Variants in STK32A observed in about 807,000 individuals in gnomAD.
STK32A encodes the protein serine/threonine-protein kinase 32A.
In STK32A, 41 loss-of-function variants were observed where a neutral mutation model predicts 53.2. The observed-to-expected ratio is 0.77, with a 90% CI of 0.60 to 1.00. STK32A has a LOEUF of 1.00. Among genes scored for constraint, STK32A ranks in the 50% least tolerant of loss-of-function variants. STK32A has a pLI of 0.00. For missense variants in STK32A, 458 were observed against 485.8 expected (o/e 0.94, Z 0.54); for synonymous variants, 166 against 162.8 (o/e 1.02, Z -0.15).
At chr5:147,262,630 G>T (rs745429329) in intron 2 of STK32A, among the ~76,000 whole-genome samples, 46 of 151,438 alleles carry the variant, frequency 3.0e-4, no homozygotes, top group Non-Finnish European at 5.7e-4. Context: ...TCTAGGGAAA[G>T]ATGCTGAATA....
chr5:147,285,273 G>A (rs750551961), intron 4 of STK32A, among the ~76,000 whole-genome samples: 7 of 151,960 alleles, frequency 4.6e-5, no homozygotes, highest in Admixed American at 2.6e-4. Flanking sequence ...AAACTGGATC[G>A]TCATCTCTCA....
intron 2 of STK32A, among the ~76,000 whole-genome samples, chr5:147,268,062 T>A (rs1295170873): frequency 1.4e-4 from 22 of 152,210 alleles, no homozygotes; most frequent in South Asian, 6.2e-4. Flanking sequence ...CCAATGAATC[T>A]GAATTTAAAA....
chr5:147,257,067 G>A (rs1358537756), intron 2 of STK32A, among the ~76,000 whole-genome samples: 2 of 152,202 alleles, frequency 1.3e-5, no homozygotes, highest in African/African-American at 4.8e-5. Context: ...ATAATAACCT[G>A]TAGAGAATTA....
chr5:147,333,169 G>C (rs926587077), intron 5 of STK32A, among the ~76,000 whole-genome samples: 1 of 152,110 alleles, frequency 6.6e-6, no homozygotes, highest in Non-Finnish European at 1.5e-5. Flanking sequence ...GCTCTGAATA[G>C]AGCTTTGAAA....
At position 147,261,530 on chromosome 5, in the gene STK32A, T is replaced by C. The variant is rs892334224; in HGVS notation, c.53-16594T>C. On this transcript the variant is annotated intron_variant, in intron 2 of 12. Transcript: ENST00000397936. ...GTAATCAGACTGACTTAGAGTGGAG[T>C]AGGTGATCAGAATGAGTCAGGGTGG... Among the ~76,000 whole-genome samples the C allele has an allele frequency of 9.2e-5, 14 of 151,796 alleles. 1 individual carries two copies. The highest frequency in any genetic ancestry group is 9.2e-4 in the Admixed American group (14 of 15,250).
At chr5:147,312,634 G>C (rs937314586) in intron 4 of STK32A, among the ~76,000 whole-genome samples, 1 of 152,180 alleles carries the variant, frequency 6.6e-6, no homozygotes, top group African/African-American at 2.4e-5. Flanking sequence ...GGCTGCTTAT[G>C]AGACAGAGAA....
intron 2 of STK32A, among the ~76,000 whole-genome samples, chr5:147,245,094 G>A (rs944960790): frequency 1.2e-4 from 19 of 152,288 alleles, no homozygotes; most frequent in Middle Eastern, 3.4e-3. Context: ...TTTAAAAGAA[G>A]CCAAGTTATT....
chr5:147,254,158 C>G (rs1165584237), intron 2 of STK32A, among the ~76,000 whole-genome samples: 5 of 152,204 alleles, frequency 3.3e-5, no homozygotes, highest in Non-Finnish European at 5.9e-5. Flanking sequence ...ACCATCTTAA[C>G]CGAACATGTT....
intron 2 of STK32A, among the ~76,000 whole-genome samples, chr5:147,262,564 T>G (rs1406904839): frequency 6.6e-6 from 1 of 150,386 alleles, no homozygotes; most frequent in Non-Finnish European, 1.5e-5. Flanking sequence ...GTATCATTCA[T>G]TATACCTATT....
chr5:147,291,681 CA>C (rs560187781), intron 4 of STK32A, among the ~76,000 whole-genome samples: 103 of 152,038 alleles, frequency 6.8e-4, no homozygotes, highest in African/African-American at 2.4e-3. Flanking sequence ...GGAAATAATT[CA>C]AGATTTAGAT....
intron 4 of STK32A, among the ~76,000 whole-genome samples, chr5:147,290,888 A>G (rs764772615): frequency 2.6e-5 from 4 of 152,168 alleles, no homozygotes; most frequent in Non-Finnish European, 2.9e-5. Flanking sequence ...CAGCAGTTAT[A>G]AGTGGGGTTT....
At chr5:147,372,956 T>C (rs575224295) in intron 9 of STK32A, among the ~76,000 whole-genome samples, 2 of 152,274 alleles carry the variant, frequency 1.3e-5, no homozygotes, top group South Asian at 4.1e-4. Flanking sequence ...TTTGACTTAG[T>C]AGGACAAGCC....
At chr5:147,392,581 TTCTTA>T (rs1427196387), downstream of STK32A, 2 of 152,220 alleles carry the variant, frequency 1.3e-5, no homozygotes, top group Non-Finnish European at 2.9e-5. Flanking sequence ...GTTCTATAGA[TTCTTA>T]TCTTGCTCAC....
At chr5:147,248,230 T>C (rs955617398) in intron 2 of STK32A, among the ~76,000 whole-genome samples, 11 of 152,140 alleles carry the variant, frequency 7.2e-5, no homozygotes, top group African/African-American at 2.7e-4. Flanking sequence ...TGACTCCTGC[T>C]CTAAGCATCT....
chr5:147,248,359 C>T (rs1453305666), intron 2 of STK32A, among the ~76,000 whole-genome samples: 1 of 152,084 alleles, frequency 6.6e-6, no homozygotes, highest in Non-Finnish European at 1.5e-5. Flanking sequence ...TCTTCCCTGT[C>T]ATTCAGTTGA....
rs1287041700 is a variant in STK32A at position 147,243,092 on chromosome 5, T to TCGAAACCATCCTGGCCAACATG, written c.52+3406_52+3407insCGAAACCATCCTGGCCAACATG. Among the ~76,000 whole-genome samples, 52 of 124,574 alleles carry TCGAAACCATCCTGGCCAACATG rather than the reference T, an allele frequency of 4.2e-4. 4 individuals carry two copies. The highest frequency in any genetic ancestry group is 5.9e-4 in the Non-Finnish European group (33 of 55,984). 81.7% of individuals were successfully genotyped at this position (124,574 alleles called of 152,430 possible). On this transcript the variant is annotated intron_variant, in intron 2 of 12. Coordinates refer to ENST00000397936, the MANE Select transcript of STK32A (RefSeq NM_001112724.2). ...AATATTGCTGAAAAGAATCCCAATA[T>TCGAAACCATCCTGGCCAACATG]GTGATTTTTAAAAAGTTTTTTAAAA...
At chr5:147,288,052 T>G (rs12660014) in intron 4 of STK32A, among the ~76,000 whole-genome samples, 42,039 of 151,984 alleles carry the variant, frequency 0.28, 6,058 homozygotes, top group South Asian at 0.5. Context: ...CAGACAACAT[T>G]CTGTTCTCCA....
At chr5:147,301,563 A>T (rs1263443845) in intron 4 of STK32A, among the ~76,000 whole-genome samples, 1 of 152,152 alleles carries the variant, frequency 6.6e-6, no homozygotes, top group Non-Finnish European at 1.5e-5. Context: ...TATAAATTTA[A>T]ATCTAATTTT....
intron 8 of STK32A, among the ~76,000 whole-genome samples, chr5:147,366,078 C>T (rs2152000844): frequency 6.6e-6 from 1 of 152,102 alleles, no homozygotes; most frequent in South Asian, 2.1e-4. Context: ...CTTCACAAGC[C>T]TTATCTGCAC....
Sources: allele counts gnomAD v4.1 joint callset (sites outside exome capture counted in the v4.1 genomes callset), GRCh38; gene constraint gnomAD v4.1.1; transcripts MANE v1.5; gene names NCBI Gene and HGNC (gene_info 2026-07-23, HGNC 2026-07-21).